The following KLHL29 variants were observed in gnomAD, a reference collection of about 807,000 sequenced individuals.
KLHL29 encodes kelch-like protein 29.
KLHL29 carries 21 observed loss-of-function variants against 80.4 expected under a neutral mutation model. The observed-to-expected ratio is 0.26, with a 90% CI of 0.19 to 0.38. KLHL29 has a LOEUF of 0.38. Among genes scored for constraint, KLHL29 ranks in the 10% least tolerant of loss-of-function variants. KLHL29 has a pLI of 1.00. For synonymous variants in KLHL29, 511 were observed against 526.8 expected (o/e 0.97, Z 0.41); for missense variants, 867 against 1,223.9 (o/e 0.71, Z 4.35).
chr2:23,572,891 G>A (rs1472413708), intron 3 of KLHL29, among the ~76,000 whole-genome samples: 3 of 152,078 alleles, frequency 2.0e-5, no homozygotes, highest in East Asian at 1.9e-4. Flanking sequence ...TAGTAGAGAC[G>A]GGGTTTCACC....
chr2:23,469,698 C>T (rs1256478847), intron 1 of KLHL29, among the ~76,000 whole-genome samples: 1 of 152,004 alleles, frequency 6.6e-6, no homozygotes, highest in East Asian at 1.9e-4. Context: ...ATGAGTTGAA[C>T]CGTGGAGGCA....
At chr2:23,500,913 A>G (rs1219938487) in intron 2 of KLHL29, among the ~76,000 whole-genome samples, 2 of 152,154 alleles carry the variant, frequency 1.3e-5, no homozygotes, top group South Asian at 2.1e-4. Context: ...TTTATAAATC[A>G]TGATTATGCT....
chr2:23,632,984 ATGG>A (rs1251047989), intron 3 of KLHL29, among the ~76,000 whole-genome samples: 2 of 48,016 alleles, frequency 4.2e-5, no homozygotes, highest in African/African-American at 1.1e-4. Flanking sequence ...AAAGTCTGGC[ATGG>A]CCAATCAGAA....
chr2:23,525,841 C>G (rs1162591793), intron 2 of KLHL29, among the ~76,000 whole-genome samples: 1 of 151,660 alleles, frequency 6.6e-6, no homozygotes. Context: ...CGGGCTCATT[C>G]TAGGGATCCT....
chr2:23,587,354 A>G (rs1668146533), intron 3 of KLHL29, among the ~76,000 whole-genome samples: 1 of 151,482 alleles, frequency 6.6e-6, no homozygotes, highest in Non-Finnish European at 1.5e-5. Flanking sequence ...TGGAATCCTC[A>G]GGGCCCCCCA....
At chr2:23,642,254 C>T (rs752285328) in intron 4 of KLHL29, 84 bp from the exon 5 acceptor site, 59 of 1,259,756 alleles carry the variant, frequency 4.7e-5, no homozygotes, top group Non-Finnish European at 5.7e-5. Flanking sequence ...TGTGACCTAG[C>T]ACCCAGTGCA....
intron 2 of KLHL29, among the ~76,000 whole-genome samples, chr2:23,511,036 C>T (rs1665756415): frequency 6.6e-6 from 1 of 152,164 alleles, no homozygotes; most frequent in Non-Finnish European, 1.5e-5. Context: ...GTGTGGCTTA[C>T]AGAACAGAAA....
In KLHL29 at chr2:23,700,101, G is replaced by A. The variant is rs1413930917; in HGVS notation, c.2106-3085G>A. Among the ~76,000 whole-genome samples the A allele has an allele frequency of 6.6e-6, 1 of 152,076 alleles. No individual in the cohort carries two copies. Among genetic ancestry groups the A allele is most frequent in the Middle Eastern group, 3.2e-3 (1 of 316 alleles). ...GGATTCCATTTGCATCCACCTCCTG[G>A]AAGCCTTCCATCATCAGCACTCCCG... On this transcript the variant is annotated intron_variant, in intron 11 of 13. Transcript: ENST00000486442. The surrounding 1 kb of genome is among the most constrained non-coding windows in gnomAD (Gnocchi z 4.6).
At chr2:23,691,918 C>T in intron 7 of KLHL29, 42 bp downstream of exon 7, 1 of 1,524,188 alleles carries the variant, frequency 6.6e-7, no homozygotes, top group East Asian at 2.5e-5. Flanking sequence ...GGGAAGAGTG[C>T]AGATGGGCGG....
At chr2:23,513,677 T>A (rs1185835429) in intron 2 of KLHL29, among the ~76,000 whole-genome samples, 1 of 152,080 alleles carries the variant, frequency 6.6e-6, no homozygotes, top group Non-Finnish European at 1.5e-5. Context: ...TCCTCCTCCT[T>A]CCCACGTCAC....
chr2:23,488,288 G>C (rs1051352749), intron 2 of KLHL29, among the ~76,000 whole-genome samples: 4 of 152,228 alleles, frequency 2.6e-5, no homozygotes, highest in African/African-American at 9.7e-5. Context: ...GGGCTGAGGA[G>C]TAGACATGGA....
At chr2:23,578,001 T>C (rs1667886694) in intron 3 of KLHL29, among the ~76,000 whole-genome samples, 1 of 152,162 alleles carries the variant, frequency 6.6e-6, no homozygotes, top group African/African-American at 2.4e-5. Flanking sequence ...GCCGACCTCG[T>C]GGGCCATTCT....
At chr2:23,513,004 G>A (rs1665818867) in intron 2 of KLHL29, among the ~76,000 whole-genome samples, 1 of 152,256 alleles carries the variant, frequency 6.6e-6, no homozygotes, top group Admixed American at 6.5e-5. Context: ...AGGAGGCTTG[G>A]GGAGTCCACT....
At chr2:23,402,955 GTA>G (rs1285212068) in intron 1 of KLHL29, among the ~76,000 whole-genome samples, 1 of 149,688 alleles carries the variant, frequency 6.7e-6, no homozygotes, top group Non-Finnish European at 1.5e-5. Context: ...ATATGTGTAT[GTA>G]TATATATCTT....
chr2:23,639,689 C>G (rs1669713809), intron 4 of KLHL29, among the ~76,000 whole-genome samples: 1 of 152,066 alleles, frequency 6.6e-6, no homozygotes, highest in Non-Finnish European at 1.5e-5. Flanking sequence ...ATTAATTCGC[C>G]AGCTTGTACA....
intron 2 of KLHL29, among the ~76,000 whole-genome samples, chr2:23,477,766 C>T (rs899439168): frequency 6.6e-6 from 1 of 152,128 alleles, no homozygotes; most frequent in African/African-American, 2.4e-5. Context: ...CATCCCCGCT[C>T]CTACACGGGG....
chr2:23,667,942 C>G (rs576064054), intron 5 of KLHL29: 2 of 152,474 alleles, frequency 1.3e-5, no homozygotes, highest in Non-Finnish European at 2.9e-5. Context: ...CAGGCTTTTG[C>G]TTTCCCTGGT....
At chr2:23,535,843 A>T (rs1446883940) in intron 2 of KLHL29, among the ~76,000 whole-genome samples, 1 of 152,224 alleles carries the variant, frequency 6.6e-6, no homozygotes, top group Non-Finnish European at 1.5e-5. Flanking sequence ...TGATAGTTAC[A>T]CAACATTGAG....
intron 6 of KLHL29, among the ~76,000 whole-genome samples, chr2:23,686,583 C>T (rs1021522480): frequency 6.6e-6 from 1 of 151,762 alleles, no homozygotes; most frequent in Non-Finnish European, 1.5e-5. Context: ...TGAGGTGTCA[C>T]GGGCATCAGA....
Sources: allele counts gnomAD v4.1 joint callset (sites outside exome capture counted in the v4.1 genomes callset), GRCh38; gene constraint gnomAD v4.1.1; non-coding constraint Gnocchi (gnomAD v3.1); transcripts MANE v1.5; gene names NCBI Gene and HGNC (gene_info 2026-07-23, HGNC 2026-07-21).